The following BPI variants were observed in gnomAD, a reference collection of about 807,000 sequenced individuals.
BPI encodes the protein bactericidal permeability-increasing protein.
A neutral mutation model predicts 57.6 loss-of-function variants in BPI; 48 were observed. The ratio of observed to expected loss-of-function variants is 0.83; its 90% CI spans 0.66 to 1.06. The LOEUF (loss-of-function observed/expected upper bound fraction) is 1.06. Among genes scored for constraint, BPI ranks in the 50% least tolerant of loss-of-function variants. BPI has a pLI of 0.00. For synonymous variants in BPI, 237 were observed against 238.2 expected, an observed-to-expected ratio of 0.99 and a Z score of 0.05; for missense variants, 651 against 609.7, an observed-to-expected ratio of 1.07 and a Z score of -0.71.
At chr20:38,313,779 T>TGATGATGGTGATGGTGGG (rs1462003886) in intron 5 of BPI, among the ~76,000 whole-genome samples, 1 of 149,902 alleles carries the variant, frequency 6.7e-6, no homozygotes, top group Non-Finnish European at 1.5e-5. Context: ...ATGGTGAGGT[T>TGATGATGGTGATGGTGGG]GATGATGGTG....
intron 3 of BPI, among the ~76,000 whole-genome samples, chr20:38,310,167 G>C (rs962299004): frequency 6.6e-6 from 1 of 152,216 alleles, no homozygotes; most frequent in Non-Finnish European, 1.5e-5. Flanking sequence ...TCTGGTGTCT[G>C]ACTGCTGATC....
intron 3 of BPI, among the ~76,000 whole-genome samples, chr20:38,310,249 A>C (rs2076615596): frequency 6.6e-6 from 1 of 152,230 alleles, no homozygotes; most frequent in South Asian, 2.1e-4. Flanking sequence ...CTAGGGCAGC[A>C]GCTGAAGCAG....
chr20:38,309,129 T>C, intron 3 of BPI, 71 bp downstream of exon 3: 1 of 1,601,370 alleles, frequency 6.2e-7, no homozygotes, highest in Admixed American at 1.7e-5. Context: ...AGAGTCAGCG[T>C]CTCTGGAATG....
At chr20:38,319,872 A>G in intron 6 of BPI, 1 of 297,616 alleles carries the variant, frequency 3.4e-6, no homozygotes, top group South Asian at 6.8e-5. Flanking sequence ...GTGCTCAGAG[A>G]AGTGCAAGGA....
At chr20:38,328,006 T>G (rs2076722370) in intron 11 of BPI, among the ~76,000 whole-genome samples, 1 of 152,188 alleles carries the variant, frequency 6.6e-6, no homozygotes, top group African/African-American at 2.4e-5. Context: ...CACAACAGCA[T>G]GCAGCCACTG....
intron 12 of BPI, 56 bp downstream of exon 12, chr20:38,331,146 G>C: frequency 1.3e-6 from 2 of 1,568,344 alleles, no homozygotes; most frequent in Admixed American, 3.3e-5. Context: ...GGCGGGGAGG[G>C]GGACATGTCA....
rs370840038 is a variant in BPI, at chr20:38,310,656, T to C, written c.536+4T>C. Reference sequence around the variant, plus strand: ...ACATCTCAAAGAGCAAAGTGGGGTATGGACTCCCGGGACTGTGGCTGGGAG... The same window carrying C: ...ACATCTCAAAGAGCAAAGTGGGGTACGGACTCCCGGGACTGTGGCTGGGAG... On this transcript the variant is annotated splice_donor_region_variant and intron_variant, in intron 4 of 14. Coordinates refer to ENST00000642449, the MANE Select transcript of BPI (RefSeq NM_001725.3). 18 of 1,608,864 alleles carry C rather than the reference T, an allele frequency of 1.1e-5. No homozygotes were observed. Among genetic ancestry groups the C allele is most frequent in the East Asian group, 8.9e-5 (4 of 44,720 alleles).
At chr20:38,311,013 G>A (rs994916611) in intron 4 of BPI, among the ~76,000 whole-genome samples, 3 of 152,202 alleles carry the variant, frequency 2.0e-5, no homozygotes, top group African/African-American at 4.8e-5. Context: ...CCAGGCTCGT[G>A]CAACATGGTC....
chr20:38,332,324 T>C (rs948645027), intron 12 of BPI, among the ~76,000 whole-genome samples: 3 of 152,048 alleles, frequency 2.0e-5, no homozygotes, highest in Non-Finnish European at 2.9e-5. Flanking sequence ...CAAGGGGTCA[T>C]TGAGGAGGCT....
chr20:38,332,137 G>A lies in BPI; in HGVS notation c.1272+1047G>A, dbSNP rs562241914. Among the ~76,000 whole-genome samples the A allele has an allele frequency of 2.7e-4, 41 of 152,336 alleles. No individual in the cohort carries two copies. The South Asian group carries it at 4.1e-3, about 15-fold the overall frequency. ...GGGCATCGGAAGAGATGTGGCCAGAGGGGCAAGCACAGGCTAGCTCATCCA... is the reference window on the plus strand; with the variant it reads ...GGGCATCGGAAGAGATGTGGCCAGAAGGGCAAGCACAGGCTAGCTCATCCA... On this transcript the variant is annotated intron_variant, in intron 12 of 14. Transcript: ENST00000642449.
In BPI at chr20:38,326,303, T is replaced by A. The variant is rs767727795; in HGVS notation, c.1032T>A (p.His344Gln). 1.2e-6 allele frequency: 2 copies of A among 1,613,816 alleles called. No homozygotes were observed. Among genetic ancestry groups the A allele is most frequent in the Admixed American group, 1.7e-5 (1 of 59,976 alleles). ...TTCCCAACATGAAGATACAGATCCA[T>A]GTCTCAGCCTCCACCCCGCCACACC... ...KKFPNMKIQIHVSASTPPHLS... is the reference protein window; with the variant it reads ...KKFPNMKIQIQVSASTPPHLS... The change falls in exon 10 of 15, where the codon CAT (histidine) becomes CAA (glutamine). Residue 344 changes from histidine (H) to glutamine (Q), a missense_variant. Physicochemically the swap from His to Gln is conservative, Grantham distance 24. Transcript: ENST00000642449.
rs116308353 is a variant in BPI, at chr20:38,305,952, G to C, written c.130+1599G>C. On this transcript the variant is annotated intron_variant, in intron 1 of 14. Transcript: ENST00000642449. ...CAGGTAATGTGTCTGCCTTTTAATT[G>C]GTTCTTTGATGCTGTTAGCCACATT... is the stretch of plus-strand genomic sequence containing the variant. Among the ~76,000 whole-genome samples, 337 of 152,204 alleles carry C rather than the reference G, an allele frequency of 2.2e-3. 4 individuals are homozygous for C. The highest frequency in any genetic ancestry group is 7.9e-3 in the African/African-American group (326 of 41,520).
At chr20:38,306,664 T>G (rs373088373) in intron 1 of BPI, among the ~76,000 whole-genome samples, 1 of 152,134 alleles carries the variant, frequency 6.6e-6, no homozygotes, top group African/African-American at 2.4e-5. Flanking sequence ...AAGAATAGCA[T>G]GTGCAAAGGC....
At chr20:38,313,035 T>G (rs1600700527) in intron 5 of BPI, among the ~76,000 whole-genome samples, 1 of 152,148 alleles carries the variant, frequency 6.6e-6, no homozygotes, top group Non-Finnish European at 1.5e-5. Context: ...TAACTAGCTG[T>G]GTAACCTTGA....
chr20:38,336,915 G>A (rs1250363379), intron 14 of BPI, among the ~76,000 whole-genome samples: 7 of 152,114 alleles, frequency 4.6e-5, no homozygotes, highest in East Asian at 3.9e-4. Context: ...GGGGGTCTCC[G>A]TGTCTAAGAA....
intron 5 of BPI, among the ~76,000 whole-genome samples, chr20:38,313,726 GATGGTGATGGTGAGGATGATA>G (rs2076633212): frequency 6.6e-6 from 1 of 151,916 alleles, no homozygotes. Context: ...TGATGGTGAT[GATGGTGATGGTGAGGATGATA>G]ATGGTGATGG....
At position 38,313,421 on chromosome 20, in the gene BPI, G is replaced by A. The variant is rs148246613; in HGVS notation, c.600+1484G>A. On this transcript the variant is annotated intron_variant, in intron 5 of 14. Transcript: ENST00000642449. Reference sequence around the variant, plus strand: ...AAAAAAAAAAAAAAAAAAGGGTAGGGGGGACATTAATACCGTCTTCACCAA... The same window carrying A: ...AAAAAAAAAAAAAAAAAAGGGTAGGAGGGACATTAATACCGTCTTCACCAA... Among the ~76,000 whole-genome samples the A allele has an allele frequency of 9.6e-3, 1,418 of 147,822 alleles. 17 individuals carry two copies. Among genetic ancestry groups the A allele is most frequent in the African/African-American group, 0.032 (1,298 of 39,954 alleles).
At chr20:38,311,789 A>G (rs1005417548) in intron 4 of BPI, 85 bp from the exon 5 acceptor site, 70 of 1,390,250 alleles carry the variant, frequency 5.0e-5, no homozygotes, top group Non-Finnish European at 6.6e-5. Context: ...GGAGGGAAGA[A>G]AGCTTTTGAG....
chr20:38,322,563 A>G (rs2122537272), intron 7 of BPI, among the ~76,000 whole-genome samples: 1 of 152,254 alleles, frequency 6.6e-6, no homozygotes, highest in Non-Finnish European at 1.5e-5. Context: ...TGCTTTTCTC[A>G]CTTAACAATA....
Sources: gnomAD v4.1 joint callset for allele counts (sites outside exome capture counted in the v4.1 genomes callset) on GRCh38, gnomAD v4.1.1 for gene constraint, MANE v1.5 for transcripts, NCBI Gene and HGNC (gene_info 2026-07-23, HGNC 2026-07-21) for gene names.